DNAJC6: variants seen among roughly 807,000 people sequenced by gnomAD.
DNAJC6 encodes DnaJ heat shock protein family (Hsp40) member C6, also known as auxilin.
DNAJC6 carries 34 observed loss-of-function variants against 110.0 expected under a neutral mutation model. The observed-to-expected ratio is 0.31, with a 90% confidence interval of 0.24 to 0.41. The LOEUF is 0.41. Among genes scored for constraint, DNAJC6 ranks in the 10% least tolerant of loss-of-function variants. DNAJC6 has a pLI of 1.00. For missense variants in DNAJC6, 1,031 were observed against 1,207.8 expected, an observed-to-expected ratio of 0.85 and a Z score of 2.17; for synonymous variants, 406 against 437.2, an observed-to-expected ratio of 0.93 and a Z score of 0.89.
chr1:65,384,611 G>T (rs1172678584), intron 6 of DNAJC6, among the ~76,000 whole-genome samples: 3 of 152,104 alleles, frequency 2.0e-5, no homozygotes, highest in Non-Finnish European at 2.9e-5. Context: ...GAGAGCGTGT[G>T]CAGGGAAACT....
intron 1 of DNAJC6, among the ~76,000 whole-genome samples, chr1:65,357,054 T>A (rs1376537532): frequency 6.6e-6 from 1 of 152,196 alleles, no homozygotes; most frequent in Non-Finnish European, 1.5e-5. Flanking sequence ...AAGCCCTTTG[T>A]GATAATGACA....
chr1:65,381,982 G>A (rs1220831581), intron 5 of DNAJC6, among the ~76,000 whole-genome samples: 3 of 152,204 alleles, frequency 2.0e-5, no homozygotes, highest in African/African-American at 7.2e-5. Context: ...AGCAATTATG[G>A]ATTTCATTTG....
chr1:65,379,280 A>G lies in DNAJC6; in HGVS notation c.544-122A>G, dbSNP rs3818449. ...CATGCATTTGGACCCTGTTCCCACTATTCCTATCTATATTAAGAGAGGATG... is the reference window on the plus strand; with the variant it reads ...CATGCATTTGGACCCTGTTCCCACTGTTCCTATCTATATTAAGAGAGGATG... On this transcript the variant is annotated intron_variant, in intron 4 of 18. Coordinates refer to ENST00000371069, the MANE Select transcript of DNAJC6 (RefSeq NM_001256864.2). The G allele has an allele frequency of 0.62, 762,733 of 1,237,808 alleles. 240,244 individuals carry two copies. The highest frequency in any genetic ancestry group is 0.93 in the African/African-American group (59,397 of 64,080). The allele number at this position is 1,237,808 out of a possible 1,614,324, so 76.7% of individuals were successfully genotyped here.
At chr1:65,394,715 C>T (rs1012400458) in intron 12 of DNAJC6, among the ~76,000 whole-genome samples, 183 bp from the exon 13 acceptor site, 35 of 152,260 alleles carry the variant, frequency 2.3e-4, no homozygotes, top group Middle Eastern at 3.4e-3. Flanking sequence ...GGCAGATTAG[C>T]CTTGTGTAGC....
chr1:65,310,005 G>T, intron 1 of DNAJC6, 67 bp downstream of exon 1: 2 of 1,376,816 alleles, frequency 1.5e-6, no homozygotes. Flanking sequence ...CAGTCGCCCG[G>T]CCCGAGGCCC....
At chr1:65,314,497 T>G (rs1412063618) in intron 1 of DNAJC6, among the ~76,000 whole-genome samples, 2 of 152,190 alleles carry the variant, frequency 1.3e-5, no homozygotes, top group Non-Finnish European at 2.9e-5. Flanking sequence ...TTTATTTTTT[T>G]TTTATTTTTT....
At chr1:65,403,717 G>A (rs183905877) in intron 15 of DNAJC6, among the ~76,000 whole-genome samples, 2 of 152,194 alleles carry the variant, frequency 1.3e-5, no homozygotes, top group Non-Finnish European at 2.9e-5. Flanking sequence ...TCTGGATTTA[G>A]CTACCACTTT....
At chr1:65,387,203 T>C (rs1223950445) in intron 8 of DNAJC6, among the ~76,000 whole-genome samples, 1 of 152,222 alleles carries the variant, frequency 6.6e-6, no homozygotes, top group Non-Finnish European at 1.5e-5. Flanking sequence ...TAGAAGCCTG[T>C]GCTTTTCTTA....
intron 1 of DNAJC6, among the ~76,000 whole-genome samples, chr1:65,335,727 G>A (rs547083537): frequency 6.6e-6 from 1 of 152,250 alleles, no homozygotes; most frequent in African/African-American, 2.4e-5. Flanking sequence ...GGCAAGAGGG[G>A]TACAGAGGCC....
At chr1:65,273,204 C>T (rs927180894) in intron 1 of DNAJC6, among the ~76,000 whole-genome samples, 13 of 152,178 alleles carry the variant, frequency 8.5e-5, no homozygotes, top group Non-Finnish European at 1.5e-4. Context: ...CACTCTTTGG[C>T]TATAACTTAT....
At chr1:65,269,406 G>C (rs1653435168) in intron 1 of DNAJC6, among the ~76,000 whole-genome samples, 5 of 151,744 alleles carry the variant, frequency 3.3e-5, no homozygotes, top group Admixed American at 2.0e-4. Flanking sequence ...AATGGTTCCT[G>C]AGATAACTTT....
At chr1:65,400,625 C>G (rs1444446123) in intron 14 of DNAJC6, among the ~76,000 whole-genome samples, 1 of 152,174 alleles carries the variant, frequency 6.6e-6, no homozygotes, top group African/African-American at 2.4e-5. Flanking sequence ...ACATAATGCT[C>G]TCTAGGTTTA....
rs573217497 is a variant in DNAJC6, at chr1:65,388,090, T to C, written c.1114-246T>C. On this transcript the variant is annotated intron_variant, in intron 8 of 18. Coordinates refer to ENST00000371069, the MANE Select transcript of DNAJC6 (RefSeq NM_001256864.2). The stretch of plus-strand genomic sequence containing the variant: ...AGAAGGAATGCAATGAGTCGAAGTA[T>C]GCCTGTGTGCAAGAACATAGTATTT... Among the ~76,000 whole-genome samples the C allele has an allele frequency of 4.9e-4, 74 of 152,328 alleles. 1 individual carries two copies. Among genetic ancestry groups the C allele is most frequent in the African/African-American group, 1.6e-3 (66 of 41,572 alleles).
intron 1 of DNAJC6, among the ~76,000 whole-genome samples, chr1:65,333,832 T>C (rs1436892702): frequency 6.6e-6 from 1 of 152,232 alleles, no homozygotes; most frequent in Non-Finnish European, 1.5e-5. Context: ...TTTGATTATA[T>C]CATGTCAAAG....
chr1:65,391,864 A>G (rs978864966), intron 11 of DNAJC6, among the ~76,000 whole-genome samples: 6 of 151,838 alleles, frequency 4.0e-5, no homozygotes, highest in East Asian at 3.9e-4. Flanking sequence ...TGCAACCTCT[A>G]CCTCCCGGGT....
chr1:65,305,157 C>T (rs1445094685), upstream of DNAJC6, among the ~76,000 whole-genome samples: 2 of 152,164 alleles, frequency 1.3e-5, no homozygotes, highest in African/African-American at 4.8e-5. Flanking sequence ...ACAGAGAGAA[C>T]AGAGTAGAAG....
At chr1:65,332,929 G>A (rs533749457) in intron 1 of DNAJC6, among the ~76,000 whole-genome samples, 2 of 152,244 alleles carry the variant, frequency 1.3e-5, no homozygotes, top group East Asian at 3.9e-4. Context: ...AAAATTGGAG[G>A]GTGCTCAAAG....
At chr1:65,278,602 G>A (rs774407959) in intron 1 of DNAJC6, among the ~76,000 whole-genome samples, 5 of 152,138 alleles carry the variant, frequency 3.3e-5, no homozygotes, top group Admixed American at 6.6e-5. Context: ...CACATGGTTT[G>A]TTCACGTTTC....
At chr1:65,361,358 G>A (rs1557541429) in intron 1 of DNAJC6, among the ~76,000 whole-genome samples, 1 of 152,170 alleles carries the variant, frequency 6.6e-6, no homozygotes, top group African/African-American at 2.4e-5. Context: ...TTTTCTAATA[G>A]ATGTCTAATG....
Sources: gnomAD v4.1 joint callset for allele counts (sites outside exome capture counted in the v4.1 genomes callset) on GRCh38, gnomAD v4.1.1 for gene constraint, MANE v1.5 for transcripts, NCBI Gene and HGNC (gene_info 2026-07-23, HGNC 2026-07-21) for gene names.